CSMD1: variants seen among roughly 807,000 people sequenced by gnomAD.
CSMD1 encodes the protein CUB and sushi domain-containing protein 1.
A neutral mutation model predicts 417.5 loss-of-function variants in CSMD1; 213 were observed. The observed-to-expected ratio is 0.51, with a 90% CI of 0.46 to 0.57. The LOEUF is 0.57. Among genes scored for constraint, CSMD1 ranks in the 20% least tolerant of loss-of-function variants. CSMD1 has a pLI of 0.00. For synonymous variants in CSMD1, 2,862 were observed against 1,736.8 expected, an observed-to-expected ratio of 1.65 and a Z score of -16.11; for missense variants, 6,923 against 4,529.7, an observed-to-expected ratio of 1.53 and a Z score of -15.17.
chr8:3,474,176 A>C (rs1265321878), intron 11 of CSMD1, among the ~76,000 whole-genome samples: 2 of 152,184 alleles, frequency 1.3e-5, no homozygotes, highest in African/African-American at 4.8e-5. Context: ...TTTCTCCCAC[A>C]TCCCAAAGCT....
chr8:3,144,592 C>T (rs1020781650), intron 40 of CSMD1, among the ~76,000 whole-genome samples: 1 of 152,078 alleles, frequency 6.6e-6, no homozygotes, highest in Non-Finnish European at 1.5e-5. Flanking sequence ...GCCATTCTAA[C>T]ATCGTCTGCT....
intron 3 of CSMD1, among the ~76,000 whole-genome samples, chr8:4,056,957 C>A (rs990706299): frequency 6.6e-6 from 1 of 152,130 alleles, no homozygotes; most frequent in Admixed American, 6.6e-5. Context: ...TGGGTTGGTT[C>A]CAAGTCTTTG....
chr8:4,367,763 G>A (rs1240641996), intron 3 of CSMD1, among the ~76,000 whole-genome samples: 1 of 151,906 alleles, frequency 6.6e-6, no homozygotes, highest in East Asian at 1.9e-4. Context: ...TTCTTGCTGT[G>A]GAAATATTTT....
intron 2 of CSMD1, among the ~76,000 whole-genome samples, chr8:4,531,631 G>A (rs1034048375): frequency 1.3e-5 from 2 of 152,108 alleles, no homozygotes; most frequent in Non-Finnish European, 2.9e-5. Context: ...CCCTCATGGT[G>A]CACCATGGCC....
chr8:4,608,640 T>C (rs1198796954), intron 2 of CSMD1, among the ~76,000 whole-genome samples: 2 of 152,214 alleles, frequency 1.3e-5, no homozygotes, highest in Non-Finnish European at 2.9e-5. Flanking sequence ...CCGCCATACA[T>C]TTTTAATCAC....
intron 1 of CSMD1, among the ~76,000 whole-genome samples, chr8:4,826,077 GT>G (rs935609007): frequency 3.3e-5 from 5 of 152,092 alleles, no homozygotes; most frequent in African/African-American, 1.2e-4. Context: ...ACAATATGGA[GT>G]TTCCTCAAAA....
intron 20 of CSMD1, 147 bp from the exon 21 acceptor site, chr8:3,359,487 AT>A (rs1218718290): frequency 3.8e-5 from 23 of 605,190 alleles, no homozygotes; most frequent in South Asian, 5.5e-5. Flanking sequence ...TGTTACGTGC[AT>A]TTTTTTTCTT....
At chr8:4,342,582 A>G (rs975956764) in intron 3 of CSMD1, among the ~76,000 whole-genome samples, 1 of 151,964 alleles carries the variant, frequency 6.6e-6, no homozygotes, top group African/African-American at 2.4e-5. Flanking sequence ...ACACTTCCCC[A>G]TAAGGTTACT....
intron 3 of CSMD1, among the ~76,000 whole-genome samples, chr8:4,114,716 G>C (rs908454951): frequency 2.0e-5 from 3 of 152,144 alleles, no homozygotes; most frequent in Non-Finnish European, 2.9e-5. Flanking sequence ...ATGAATAGGA[G>C]TTTAGAAGAA....
intron 5 of CSMD1, among the ~76,000 whole-genome samples, chr8:3,958,235 G>C (rs58509239): frequency 0.015 from 2,226 of 151,936 alleles, 49 homozygotes; most frequent in African/African-American, 0.05. Context: ...CATGAAGATA[G>C]ACTACGTCTT....
intron 5 of CSMD1, among the ~76,000 whole-genome samples, chr8:3,784,194 G>A (rs367719560): frequency 6.6e-6 from 1 of 152,162 alleles, no homozygotes; most frequent in East Asian, 1.9e-4. Context: ...CCTTGGGAAA[G>A]GGGTGGGTAC....
At chr8:3,763,366 G>C (rs1403188708) in intron 5 of CSMD1, among the ~76,000 whole-genome samples, 2 of 152,150 alleles carry the variant, frequency 1.3e-5, no homozygotes, top group Non-Finnish European at 2.9e-5. Flanking sequence ...CCTCATGAAT[G>C]AATGGCTGGT....
At chr8:4,734,931 A>T (rs1467286938) in intron 1 of CSMD1, among the ~76,000 whole-genome samples, 1 of 152,172 alleles carries the variant, frequency 6.6e-6, no homozygotes, top group Admixed American at 6.5e-5. Context: ...GTCTGGCTTT[A>T]GCAAACTACT....
rs1810716093 is a variant in CSMD1, at chr8:3,382,724, T to C, written c.2782+4770A>G. Among the ~76,000 whole-genome samples, 5 of 151,326 alleles carry C rather than the reference T, an allele frequency of 3.3e-5. No homozygotes were observed. In the Admixed American group the frequency reaches 3.3e-4, roughly 10 times the overall value. On this transcript the variant is annotated intron_variant, in intron 18 of 69. Coordinates refer to ENST00000635120, the MANE Select transcript of CSMD1 (RefSeq NM_033225.6). ...TTATTAGTGTTGCATTTCTTCTCTC[T>C]TCCAGTAGCAGAGTATGATTATTTC...
Position 3,214,546 on chromosome 8 carries a change from A to G in CSMD1, c.4818T>C (p.Ile1606=). 1.3e-6 allele frequency: 2 copies of G among 1,599,844 alleles called. No homozygotes were observed. The highest frequency in any genetic ancestry group is 1.7e-6 in the Non-Finnish European group (2 of 1,173,064). Residue 1606 remains isoleucine, a synonymous_variant, in exon 30 of 70, where the codon ATT becomes ATC. Transcript: ENST00000635120. ...ILDPSSITCV[I]GADGKPSWDQ... Reference sequence around the variant, plus strand: ...CCCAGGAGGGTTTCCCATCAGCCCCAATCACACAGGTGATGGATGAGGGGT... The same window carrying G: ...CCCAGGAGGGTTTCCCATCAGCCCCGATCACACAGGTGATGGATGAGGGGT...
At chr8:3,077,028 T>C (rs1484812240) in intron 49 of CSMD1, among the ~76,000 whole-genome samples, 1 of 122,432 alleles carries the variant, frequency 8.2e-6, no homozygotes, top group Non-Finnish European at 1.8e-5. Context: ...GAGTCCTAAG[T>C]GCACTTCTTT....
intron 1 of CSMD1, among the ~76,000 whole-genome samples, chr8:4,911,247 AC>A (rs1805651799): frequency 1.3e-5 from 2 of 152,220 alleles, no homozygotes; most frequent in Non-Finnish European, 2.9e-5. Context: ...GTTTCAAATG[AC>A]CTTTGTCCAC....
intron 52 of CSMD1, among the ~76,000 whole-genome samples, chr8:3,007,850 A>T (rs1190690255): frequency 6.6e-6 from 1 of 151,786 alleles, no homozygotes; most frequent in African/African-American, 2.4e-5. Context: ...GCAGTGCACC[A>T]GCATGGCACA....
At chr8:4,613,050 G>A (rs1243717663) in intron 2 of CSMD1, among the ~76,000 whole-genome samples, 1 of 152,068 alleles carries the variant, frequency 6.6e-6, no homozygotes, top group Non-Finnish European at 1.5e-5. Context: ...AACTTGTTTT[G>A]CATTTGGTGG....
Sources: gnomAD v4.1 joint callset for allele counts (sites outside exome capture counted in the v4.1 genomes callset) on GRCh38, gnomAD v4.1.1 for gene constraint, MANE v1.5 for transcripts, NCBI Gene and HGNC (gene_info 2026-07-23, HGNC 2026-07-21) for gene names.